FHIT: variants seen among roughly 807,000 people sequenced by gnomAD.
The protein encoded by FHIT is fragile histidine triad diadenosine triphosphatase.
FHIT carries 19 observed loss-of-function variants against 17.9 expected under a neutral mutation model. The ratio of observed to expected loss-of-function variants is 1.06; its 90% CI spans 0.74 to 1.56. The LOEUF (loss-of-function observed/expected upper bound fraction) is 1.56. Among genes scored for constraint, FHIT ranks in the 40% most tolerant of loss-of-function variants. The pLI is 0.00. For synonymous variants in FHIT, 81 were observed against 69.7 expected (o/e 1.16, Z -0.81); for missense variants, 248 against 189.2 (o/e 1.31, Z -1.82).
chr3:60,714,050 C>G (rs2107944128), intron 4 of FHIT, among the ~76,000 whole-genome samples: 1 of 152,244 alleles, frequency 6.6e-6, no homozygotes, highest in East Asian at 1.9e-4. Context: ...TACTGGCAAA[C>G]TGAATCCAGC....
chr3:60,697,356 C>G (rs2041137728), intron 4 of FHIT, among the ~76,000 whole-genome samples: 1 of 152,046 alleles, frequency 6.6e-6, no homozygotes, highest in Non-Finnish European at 1.5e-5. Context: ...CTTGGGTGAA[C>G]CTTGAGATAG....
At chr3:61,165,319 A>G (rs1305556122) in intron 2 of FHIT, among the ~76,000 whole-genome samples, 3 of 152,148 alleles carry the variant, frequency 2.0e-5, no homozygotes, top group African/African-American at 7.2e-5. Flanking sequence ...TAGACTTTTT[A>G]ATAATAGCCA....
At chr3:60,860,060 C>CATATATATGATATATCTGATATGAT (rs1559777760) in intron 3 of FHIT, among the ~76,000 whole-genome samples, 16 of 68,734 alleles carry the variant, frequency 2.3e-4, no homozygotes, top group African/African-American at 1.1e-3. Flanking sequence ...CAAAAAGATA[C>CATATATATGATATATCTGATATGAT]ATATATATGA....
At chr3:60,779,233 A>G (rs1483738456) in intron 4 of FHIT, among the ~76,000 whole-genome samples, 1 of 152,206 alleles carries the variant, frequency 6.6e-6, no homozygotes, top group East Asian at 1.9e-4. Context: ...GACAGAAATT[A>G]TGTTCCAAAA....
intron 7 of FHIT, among the ~76,000 whole-genome samples, chr3:59,966,342 T>A (rs767167874): frequency 1.3e-5 from 2 of 152,188 alleles, no homozygotes; most frequent in African/African-American, 2.4e-5. Flanking sequence ...AACTCACATA[T>A]GGTTGTCCTG....
intron 8 of FHIT, among the ~76,000 whole-genome samples, chr3:59,917,895 G>A (rs561594567): frequency 7.2e-5 from 11 of 152,356 alleles, no homozygotes; most frequent in East Asian, 1.9e-4. Context: ...TCTAGGTTTG[G>A]TGGGAGGGGG....
intron 8 of FHIT, among the ~76,000 whole-genome samples, chr3:59,869,428 C>T (rs1025985176): frequency 7.3e-5 from 11 of 151,082 alleles, no homozygotes; most frequent in Non-Finnish European, 1.6e-4. Context: ...TATTTGATAC[C>T]GAATGCCTGC....
intron 8 of FHIT, among the ~76,000 whole-genome samples, chr3:59,853,075 T>G (rs1176587300): frequency 6.6e-6 from 1 of 152,200 alleles, no homozygotes; most frequent in East Asian, 1.9e-4. Flanking sequence ...TGTAAGAGCA[T>G]GTAGTTTTGT....
Position 61,118,660 on chromosome 3 carries a change from T to A in FHIT, c.-163-76561A>T, listed in dbSNP as rs145374087. Among the ~76,000 whole-genome samples the A allele has an allele frequency of 2.5e-3, 379 of 152,294 alleles. 3 individuals carry two copies. The highest frequency in any genetic ancestry group is 2.3e-3 in the Non-Finnish European group (158 of 68,020). On this transcript the variant is annotated intron_variant, in intron 2 of 9. Transcript: ENST00000492590. Reference sequence around the variant, plus strand: ...CTTCATCACTTTCCACTTTGTAACTTTGAGCATGTAACTTAGATTGTCAGT... The same window carrying A: ...CTTCATCACTTTCCACTTTGTAACTATGAGCATGTAACTTAGATTGTCAGT...
chr3:60,760,823 C>T (rs187752230), intron 4 of FHIT, among the ~76,000 whole-genome samples: 67 of 152,192 alleles, frequency 4.4e-4, no homozygotes, highest in East Asian at 1.9e-4. Context: ...GGAGAATGTA[C>T]GTGGCAGTTG....
chr3:60,981,436 C>G (rs1167059121), intron 3 of FHIT, among the ~76,000 whole-genome samples: 2 of 151,870 alleles, frequency 1.3e-5, no homozygotes, highest in Non-Finnish European at 2.9e-5. Flanking sequence ...TCCCGAGTAG[C>G]TGGGACTACA....
intron 8 of FHIT, among the ~76,000 whole-genome samples, chr3:59,799,589 C>G (rs1699913750): frequency 2.0e-5 from 3 of 152,114 alleles, no homozygotes; most frequent in Non-Finnish European, 4.4e-5. Flanking sequence ...AATATGATAG[C>G]TAGATAGTCC....
chr3:59,926,229 C>T (rs1171605809), intron 7 of FHIT, among the ~76,000 whole-genome samples: 2 of 152,186 alleles, frequency 1.3e-5, no homozygotes, highest in East Asian at 3.8e-4. Context: ...ATCCAGCATT[C>T]CAGAAACTTA....
chr3:60,181,150 T>A (rs1386128329), intron 5 of FHIT, among the ~76,000 whole-genome samples: 1 of 148,316 alleles, frequency 6.7e-6, no homozygotes, highest in Non-Finnish European at 1.5e-5. Flanking sequence ...TTTTAATTTT[T>A]TTTTTTTTTT....
At chr3:60,321,296 A>G (rs1234568853) in intron 5 of FHIT, among the ~76,000 whole-genome samples, 1 of 152,148 alleles carries the variant, frequency 6.6e-6, no homozygotes, top group Non-Finnish European at 1.5e-5. Flanking sequence ...CCTGGGCAAC[A>G]TGGTGAATCC....
At chr3:61,189,324 C>G (rs1314029517) in intron 2 of FHIT, among the ~76,000 whole-genome samples, 1 of 152,122 alleles carries the variant, frequency 6.6e-6, no homozygotes, top group Non-Finnish European at 1.5e-5. Flanking sequence ...GAGTGAACTC[C>G]CATTCACAAT....
At chr3:61,170,295 A>G (rs1430533707) in intron 2 of FHIT, among the ~76,000 whole-genome samples, 3 of 152,346 alleles carry the variant, frequency 2.0e-5, no homozygotes, top group Middle Eastern at 3.4e-3. Flanking sequence ...TTATTCCCAT[A>G]TGAATCTATA....
At chr3:60,050,245 G>T (rs1463730346) in intron 5 of FHIT, among the ~76,000 whole-genome samples, 1 of 151,944 alleles carries the variant, frequency 6.6e-6, no homozygotes, top group East Asian at 1.9e-4. Flanking sequence ...CTTGTACTTT[G>T]TTCATTTTTC....
At chr3:60,757,707 T>A (rs1267472001) in intron 4 of FHIT, among the ~76,000 whole-genome samples, 1 of 152,194 alleles carries the variant, frequency 6.6e-6, no homozygotes, top group Non-Finnish European at 1.5e-5. Context: ...CTCATGGGTC[T>A]GGTATACCAC....
Sources: allele counts gnomAD v4.1 joint callset (sites outside exome capture counted in the v4.1 genomes callset), GRCh38; gene constraint gnomAD v4.1.1; transcripts MANE v1.5; gene names NCBI Gene and HGNC (gene_info 2026-07-23, HGNC 2026-07-21).